Variants in SFXN3 observed in about 807,000 individuals in gnomAD.
SFXN3 encodes the protein sideroflexin-3.
In SFXN3, 31 loss-of-function variants were observed where a neutral mutation model predicts 40.4. The observed-to-expected ratio is 0.77, with a 90% CI of 0.58 to 1.04. The LOEUF (loss-of-function observed/expected upper bound fraction) is 1.04. SFXN3 is among the 50% of genes least tolerant of loss of function. The pLI is 0.00. For synonymous variants in SFXN3, 157 were observed against 160.0 expected, an observed-to-expected ratio of 0.98 and a Z score of 0.14; for missense variants, 366 against 408.2, an observed-to-expected ratio of 0.90 and a Z score of 0.89.
Position 101,035,543 on chromosome 10 carries a change from G to GC in SFXN3, c.210dup (p.Lys71GlnfsTer5). 1 of 1,613,550 alleles carries GC rather than the reference G, an allele frequency of 6.2e-7. No individual in the cohort carries two copies. On this transcript the variant is annotated frameshift_variant, in exon 4 of 12. Coordinates refer to ENST00000393459, the Ensembl canonical transcript of SFXN3. LOFTEE classifies it high-confidence loss of function. Reference sequence around the variant, plus strand: ...GATCACCGAGGACCAGCTGTGGAGGGCCAAGTATGTGTATGACTCCGCCTT... The same window carrying GC: ...GATCACCGAGGACCAGCTGTGGAGGGCCCAAGTATGTGTATGACTCCGCCTT...
intron 7 of SFXN3, 34 bp from the exon 8 acceptor site, chr10:101,037,042 C>A: frequency 6.2e-7 from 1 of 1,611,482 alleles, no homozygotes; most frequent in Non-Finnish European, 8.5e-7. Flanking sequence ...GGATCCGGGG[C>A]CTGTGATCTG....
chr10:101,035,701 C>T (rs1590087593), intron 4 of SFXN3, 34 bp downstream of exon 4: 2 of 1,583,958 alleles, frequency 1.3e-6, no homozygotes, highest in Non-Finnish European at 1.7e-6. Context: ...TCTTCAGTGC[C>T]CTAAGCTAGA....
chr10:101,041,029 T>G (rs948598513), exon 12 of SFXN3: 1 of 152,102 alleles, frequency 6.6e-6, no homozygotes, highest in African/African-American at 2.4e-5. Context: ...AAATAAAATA[T>G]GGGCTTGGGG....
At chr10:101,033,394 T>C (rs1938420289) in intron 2 of SFXN3, among the ~76,000 whole-genome samples, 1 of 152,192 alleles carries the variant, frequency 6.6e-6, no homozygotes, top group Non-Finnish European at 1.5e-5. Flanking sequence ...CATGAAAATC[T>C]GTACCAGGAT....
chr10:101,033,738 C>A (rs1938442399), intron 2 of SFXN3, among the ~76,000 whole-genome samples: 1 of 151,940 alleles, frequency 6.6e-6, no homozygotes, highest in South Asian at 2.1e-4. Flanking sequence ...ATTATTTCAG[C>A]AAAAAGGAAT....
intron 9 of SFXN3, chr10:101,037,967 A>G (rs1354730764): frequency 2.2e-5 from 12 of 546,176 alleles, no homozygotes; most frequent in African/African-American, 6.2e-5. Context: ...GCAGAAACCA[A>G]TAAACAAGGA....
chr10:101,034,637 G>A (rs1938495028), intron 2 of SFXN3, 55 bp from the exon 3 acceptor site: 1 of 1,588,602 alleles, frequency 6.3e-7, no homozygotes, highest in East Asian at 2.2e-5. Context: ...ATTTCCCCTA[G>A]CTGGAGCCCT....
exon 2 of SFXN3, chr10:101,032,375 T>A: frequency 7.2e-7 from 1 of 1,382,242 alleles, no homozygotes; most frequent in Non-Finnish European, 9.6e-7. Context: ...CCCTCCCTGC[T>A]GGTCGGCGTC....
At chr10:101,040,890 C>T (rs1938866534) in exon 12 of SFXN3, 1 of 152,276 alleles carries the variant, frequency 6.6e-6, no homozygotes, top group African/African-American at 2.4e-5. Context: ...GCCTGTTCCA[C>T]TGACATTTCT....
In SFXN3 at chr10:101,035,485, C is replaced by T; in HGVS notation, c.162-12C>T. ...CTGGCATAGCCTGTCTGCTCCTTGC[C>T]AACTTCTGCAGGGCCGGCGTGGTGA... On this transcript the variant is annotated splice_polypyrimidine_tract_variant and intron_variant, in intron 3 of 11. Transcript: ENST00000393459. 1 of 1,592,556 alleles carries T rather than the reference C, an allele frequency of 6.3e-7. No homozygotes were observed. The highest frequency in any genetic ancestry group is 8.6e-7 in the Non-Finnish European group (1 of 1,168,930).
In SFXN3 at chr10:101,036,066, C is replaced by T. The variant is rs769013915; in HGVS notation, c.396C>T (p.Tyr132=). ...AGTCCTTCAATGCCATTGTTAACTACTCCAACCGCAGTGGTGACACTCCCA... is the reference window on the plus strand; with the variant it reads ...AGTCCTTCAATGCCATTGTTAACTATTCCAACCGCAGTGGTGACACTCCCA... Residue 132 remains tyrosine, a synonymous_variant, in exon 5 of 12, where the codon TAC becomes TAT. Transcript: ENST00000393459. The surrounding 1 kb of genome is among the most constrained non-coding windows in gnomAD (Gnocchi z 4.2). The T allele has an allele frequency of 2.5e-6, 4 of 1,614,082 alleles. No homozygotes were observed. The highest frequency in any genetic ancestry group is 1.7e-5 in the Admixed American group (1 of 60,024).
chr10:101,034,601 CA>C (rs1454673410), intron 2 of SFXN3, 90 bp from the exon 3 acceptor site: 10 of 1,407,962 alleles, frequency 7.1e-6, no homozygotes, highest in Non-Finnish European at 9.8e-6. Context: ...ATGATAAGCT[CA>C]GGGGCCAGGG....
exon 3 of SFXN3, chr10:101,034,809 T>G (rs750760127): frequency 2.5e-6 from 4 of 1,614,222 alleles, no homozygotes; most frequent in Non-Finnish European, 3.4e-6. Flanking sequence ...TCTGCTGCTG[T>G]CCGGGGCACA....
intron 7 of SFXN3, 70 bp from the exon 8 acceptor site, chr10:101,037,006 C>T (rs934892139): frequency 4.3e-5 from 69 of 1,591,184 alleles, no homozygotes; most frequent in African/African-American, 5.4e-5. Context: ...CCTGAGGAGC[C>T]GCTGCTCATT....
Position 101,036,144 on chromosome 10 carries a change from C to A in SFXN3, c.431+43C>A. 1 of 1,489,994 alleles carries A rather than the reference C, an allele frequency of 6.7e-7. No individual in the cohort carries two copies. The highest frequency in any genetic ancestry group is 9.4e-7 in the Non-Finnish European group (1 of 1,068,806). The allele number at this position is 1,489,994 out of a possible 1,614,324, so 92.3% of individuals were successfully genotyped here. ...GCAGCAGCTGCACTGTCCCATCTGA[C>A]CCTCTCCTCCCAGCCTGCAGTGCCC... On this transcript the variant is annotated intron_variant, in intron 5 of 11. Coordinates refer to ENST00000393459, the Ensembl canonical transcript of SFXN3. The surrounding 1 kb of genome is among the most constrained non-coding windows in gnomAD (Gnocchi z 4.2).
rs778296846 is a variant in SFXN3, at chr10:101,035,989, CTT to C, written c.333-12_333-11del. 2 of 1,610,302 alleles carry C rather than the reference CTT, an allele frequency of 1.2e-6. No individual in the cohort carries two copies. Among genetic ancestry groups the C allele is most frequent in the East Asian group, 2.2e-5 (1 of 44,856 alleles). ...CTGTAGACGGGGCAGAAGTGAGTGT[CTT>C]TGTTCCCTCAGGAAGACCCCAACCG... On this transcript the variant is annotated splice_polypyrimidine_tract_variant and intron_variant, in intron 4 of 11. Coordinates refer to ENST00000393459, the Ensembl canonical transcript of SFXN3.
intron 9 of SFXN3, 81 bp downstream of exon 9, chr10:101,037,512 G>A (rs1432703830): frequency 1.1e-4 from 181 of 1,612,040 alleles, no homozygotes; most frequent in Non-Finnish European, 1.3e-4. Context: ...CTCCAGCCTC[G>A]CCTGATTCTC....
Position 101,036,893 on chromosome 10 carries a change from C to A in SFXN3, c.593+85C>A, listed in dbSNP as rs988635407. 19 of 1,542,670 alleles carry A rather than the reference C, an allele frequency of 1.2e-5. No homozygotes were observed. Among genetic ancestry groups the A allele is most frequent in the Admixed American group, 1.9e-5 (1 of 52,596 alleles). ...GCAGACCACCTCAGAATGGGGACATCCCTCTCCCTCCCCAGACATGAGCTG... is the reference window on the plus strand; with the variant it reads ...GCAGACCACCTCAGAATGGGGACATACCTCTCCCTCCCCAGACATGAGCTG... On this transcript the variant is annotated intron_variant, in intron 7 of 11. Coordinates refer to ENST00000393459, the Ensembl canonical transcript of SFXN3. This position sits in a 1 kb window ranked among gnomAD's most constrained non-coding sequence, Gnocchi z 4.2.
In SFXN3 at chr10:101,036,481, C is replaced by T. The variant is rs1235550512; in HGVS notation, c.432-5C>T. On this transcript the variant is annotated splice_polypyrimidine_tract_variant and splice_region_variant and intron_variant, in intron 5 of 11. Transcript: ENST00000393459. The surrounding 1 kb of genome is among the most constrained non-coding windows in gnomAD (Gnocchi z 4.2). ...CTCCCCGTGACCTGGCTTTTCCACCCACAGGCAGCTGGGGACAGCCTATGT... is the reference window on the plus strand; with the variant it reads ...CTCCCCGTGACCTGGCTTTTCCACCTACAGGCAGCTGGGGACAGCCTATGT... The T allele has an allele frequency of 2.5e-6, 4 of 1,614,090 alleles. No homozygotes were observed. The South Asian group carries it at 3.3e-5, about 13-fold the overall frequency.
Sources: gnomAD v4.1 joint callset for allele counts (sites outside exome capture counted in the v4.1 genomes callset) on GRCh38, gnomAD v4.1.1 for gene constraint, Gnocchi (gnomAD v3.1) non-coding constraint, MANE v1.5 for transcripts, NCBI Gene and HGNC (gene_info 2026-07-23, HGNC 2026-07-21) for gene names.